The following CHSY3 variants were observed in gnomAD, a reference collection of about 807,000 sequenced individuals.
CHSY3 encodes N-acetylgalactosaminyl-proteoglycan 3-beta-glucuronosyltransferase 3.
CHSY3 carries 35 observed loss-of-function variants against 67.2 expected under a neutral mutation model. That is an observed-to-expected ratio of 0.52 (90% CI 0.40 to 0.69). The LOEUF (loss-of-function observed/expected upper bound fraction) is 0.69, where lower values mean the gene tolerates loss of function less well. CHSY3 is among the 30% of genes least tolerant of loss of function. The probability of loss-of-function intolerance (pLI) is 0.00; values close to 1 mark genes in which losing one functional copy is unlikely to be tolerated. For synonymous variants in CHSY3, 474 were observed against 434.7 expected (o/e 1.09, Z -1.12); for missense variants, 1,069 against 1,138.5 (o/e 0.94, Z 0.88).
intron 2 of CHSY3, among the ~76,000 whole-genome samples, chr5:130,084,435 T>C (rs1766544483): frequency 6.6e-6 from 1 of 151,858 alleles, no homozygotes; most frequent in Non-Finnish European, 1.5e-5. Flanking sequence ...CTGTAAAATA[T>C]TTGAAAAAAT....
chr5:130,110,705 T>G (rs1452903786), intron 2 of CHSY3, among the ~76,000 whole-genome samples: 1 of 151,940 alleles, frequency 6.6e-6, no homozygotes, highest in Non-Finnish European at 1.5e-5. Context: ...TAGAGAATAT[T>G]AATGATGACA....
intron 2 of CHSY3, among the ~76,000 whole-genome samples, chr5:129,942,431 T>A (rs1240489173): frequency 6.6e-6 from 1 of 152,204 alleles, no homozygotes; most frequent in East Asian, 1.9e-4. Context: ...AAATTAATTT[T>A]CTTTATATTT....
chr5:130,036,328 A>T (rs1742901161), intron 2 of CHSY3, among the ~76,000 whole-genome samples: 2 of 152,142 alleles, frequency 1.3e-5, no homozygotes, highest in South Asian at 4.1e-4. Flanking sequence ...TAAATTACTT[A>T]TATATTTTCC....
At chr5:130,113,681 A>G (rs55642569) in intron 2 of CHSY3, among the ~76,000 whole-genome samples, 39 of 152,286 alleles carry the variant, frequency 2.6e-4, no homozygotes, top group African/African-American at 9.4e-4. Flanking sequence ...GATACATTCC[A>G]GGAGTGGCAG....
At chr5:129,971,278 A>T (rs1762633737) in intron 2 of CHSY3, among the ~76,000 whole-genome samples, 1 of 151,866 alleles carries the variant, frequency 6.6e-6, no homozygotes. Context: ...TCAATTAATT[A>T]GTCAAAATAT....
intron 2 of CHSY3, among the ~76,000 whole-genome samples, chr5:129,937,140 A>G (rs1041394572): frequency 1.3e-5 from 2 of 152,180 alleles, no homozygotes; most frequent in African/African-American, 4.8e-5. Flanking sequence ...GACATACCTG[A>G]AGCTGGGTAA....
chr5:129,951,739 G>A (rs1762029796), intron 2 of CHSY3, among the ~76,000 whole-genome samples: 1 of 152,070 alleles, frequency 6.6e-6, no homozygotes, highest in Admixed American at 6.5e-5. Flanking sequence ...TAAACCATTG[G>A]CCATCTATGT....
chr5:129,990,724 T>A (rs1245421856), intron 2 of CHSY3, among the ~76,000 whole-genome samples: 2 of 152,204 alleles, frequency 1.3e-5, no homozygotes, highest in African/African-American at 4.8e-5. Flanking sequence ...TTTCACTTTA[T>A]TCATTCATTT....
intron 2 of CHSY3, among the ~76,000 whole-genome samples, chr5:130,005,553 A>C (rs776715138): frequency 1.3e-5 from 2 of 152,228 alleles, no homozygotes; most frequent in Non-Finnish European, 2.9e-5. Flanking sequence ...AGTTTATTTT[A>C]ATAGTCTGAA....
At chr5:130,153,033 C>A (rs774932620) in intron 2 of CHSY3, among the ~76,000 whole-genome samples, 4 of 152,092 alleles carry the variant, frequency 2.6e-5, no homozygotes, top group Non-Finnish European at 5.9e-5. Context: ...GAGTTCGAGA[C>A]CAGCCTGGCC....
intron 2 of CHSY3, among the ~76,000 whole-genome samples, chr5:130,019,400 C>T (rs931559338): frequency 1.3e-5 from 2 of 152,100 alleles, no homozygotes; most frequent in Non-Finnish European, 2.9e-5. Flanking sequence ...CTTTTGCTTC[C>T]CGATACTCAT....
chr5:129,945,325 A>G (rs1430853649), intron 2 of CHSY3, among the ~76,000 whole-genome samples: 1 of 152,220 alleles, frequency 6.6e-6, no homozygotes, highest in Admixed American at 6.5e-5. Context: ...GAGTGGCCAA[A>G]CATCCCAAGA....
At chr5:129,945,652 G>A (rs956164434) in intron 2 of CHSY3, among the ~76,000 whole-genome samples, 31 of 152,004 alleles carry the variant, frequency 2.0e-4, no homozygotes, top group East Asian at 7.7e-4. Flanking sequence ...TTTTTCCTTC[G>A]GACAGTATGG....
chr5:129,969,280 T>C (rs1202240024), intron 2 of CHSY3, among the ~76,000 whole-genome samples: 1 of 151,818 alleles, frequency 6.6e-6, no homozygotes, highest in Non-Finnish European at 1.5e-5. Flanking sequence ...TGAGACCACA[T>C]TTCTGGAAGC....
chr5:130,151,415 C>T (rs1040000988), intron 2 of CHSY3, among the ~76,000 whole-genome samples: 3 of 152,188 alleles, frequency 2.0e-5, no homozygotes, highest in Non-Finnish European at 4.4e-5. Flanking sequence ...AAAGCAAGTA[C>T]TGACATGCTC....
At chr5:130,071,622 C>A (rs1211057226) in intron 2 of CHSY3, among the ~76,000 whole-genome samples, 1 of 150,500 alleles carries the variant, frequency 6.6e-6, no homozygotes, top group Non-Finnish European at 1.5e-5. Context: ...CCTTGATGGA[C>A]AGTTAGATTT....
chr5:130,093,330 T>C (rs933932390), intron 2 of CHSY3, among the ~76,000 whole-genome samples: 2 of 152,204 alleles, frequency 1.3e-5, no homozygotes, highest in African/African-American at 4.8e-5. Context: ...TATCTTGCTT[T>C]TGAAGCACAA....
intron 2 of CHSY3, among the ~76,000 whole-genome samples, chr5:130,150,086 AT>A (rs1769190406): frequency 6.6e-6 from 1 of 152,220 alleles, no homozygotes; most frequent in African/African-American, 2.4e-5. Context: ...TATTTTCCAA[AT>A]TTTGTAAAGT....
chr5:129,961,745 A>G (rs1417450607), intron 2 of CHSY3, among the ~76,000 whole-genome samples: 5 of 151,914 alleles, frequency 3.3e-5, no homozygotes, highest in Admixed American at 1.3e-4. Flanking sequence ...TTTAAGCATT[A>G]ATTTGTTTAT....
Sources: gnomAD v4.1 joint callset for allele counts (sites outside exome capture counted in the v4.1 genomes callset) on GRCh38, gnomAD v4.1.1 for gene constraint, MANE v1.5 for transcripts, NCBI Gene and HGNC (gene_info 2026-07-23, HGNC 2026-07-21) for gene names.